ERC2: variants seen among roughly 807,000 people sequenced by gnomAD.
The protein encoded by ERC2 is ELKS/RAB6-interacting/CAST family member 2.
In ERC2, 42 loss-of-function variants were observed where a neutral mutation model predicts 114.8. The ratio of observed to expected loss-of-function variants is 0.37; its 90% CI spans 0.29 to 0.47. ERC2 has a LOEUF of 0.47. ERC2 is among the 20% of genes least tolerant of loss of function. ERC2 has a pLI of 0.99. For missense variants in ERC2, 939 were observed against 1,150.7 expected (o/e 0.82, Z 2.66); for synonymous variants, 454 against 425.5 (o/e 1.07, Z -0.82).
At chr3:56,170,501 T>C (rs1328346051) in intron 4 of ERC2, among the ~76,000 whole-genome samples, 1 of 152,118 alleles carries the variant, frequency 6.6e-6, no homozygotes. Context: ...CAATGGGGGT[T>C]GAAGCTCACC....
intron 2 of ERC2, among the ~76,000 whole-genome samples, chr3:56,319,471 G>C (rs541054365): frequency 1.3e-5 from 2 of 152,270 alleles, no homozygotes; most frequent in African/African-American, 4.8e-5. Flanking sequence ...CAAGGGCTAG[G>C]GGGAGGAGGC....
intron 17 of ERC2, among the ~76,000 whole-genome samples, chr3:55,562,674 C>T (rs1327454542): frequency 6.6e-6 from 1 of 152,132 alleles, no homozygotes; most frequent in East Asian, 1.9e-4. Flanking sequence ...TCAGCCAGCC[C>T]AATTGCCCTC....
chr3:56,162,350 G>A lies in ERC2; in HGVS notation c.1149+11096C>T, dbSNP rs1307970973. Among the ~76,000 whole-genome samples the A allele has an allele frequency of 2.0e-5, 3 of 152,018 alleles. 1 individual carries two copies. The highest frequency in any genetic ancestry group is 2.9e-5 in the Non-Finnish European group (2 of 67,964). On this transcript the variant is annotated intron_variant, in intron 4 of 17. Coordinates refer to ENST00000288221, the MANE Select transcript of ERC2 (RefSeq NM_015576.3). ...TACTGCCCTGTAGTTTTCTTTTCTT[G>A]TGTCTTTGCCAGGTTTTGGTATCAG...
intron 10 of ERC2, among the ~76,000 whole-genome samples, chr3:55,999,223 T>C (rs570556444): frequency 1.3e-5 from 2 of 152,182 alleles, no homozygotes; most frequent in South Asian, 2.1e-4. Context: ...AGTGTTATAA[T>C]AATAAGACAA....
intron 17 of ERC2, among the ~76,000 whole-genome samples, chr3:55,593,266 C>T (rs529244829): frequency 2.0e-5 from 3 of 152,266 alleles, no homozygotes; most frequent in Non-Finnish European, 4.4e-5. Context: ...TATGTGATAA[C>T]CATCTGAGAG....
At chr3:56,144,031 C>A (rs1361413841) in intron 5 of ERC2, among the ~76,000 whole-genome samples, 3 of 152,116 alleles carry the variant, frequency 2.0e-5, no homozygotes, top group Non-Finnish European at 4.4e-5. Flanking sequence ...ATCTTGCTAG[C>A]CAAATCTAAA....
chr3:56,380,607 A>G (rs1375454041), intron 2 of ERC2, among the ~76,000 whole-genome samples: 1 of 152,342 alleles, frequency 6.6e-6, no homozygotes, highest in East Asian at 1.9e-4. Flanking sequence ...GCCTGAATAC[A>G]TACTTATGGA....
At chr3:56,313,027 T>TATATATAC (rs2056678030) in intron 2 of ERC2, among the ~76,000 whole-genome samples, 1 of 132,030 alleles carries the variant, frequency 7.6e-6, no homozygotes, top group Non-Finnish European at 1.6e-5. Flanking sequence ...TATATATATA[T>TATATATAC]ATATATATAT....
At chr3:56,178,136 TGA>T (rs1489120748) in intron 3 of ERC2, among the ~76,000 whole-genome samples, 1 of 152,196 alleles carries the variant, frequency 6.6e-6, no homozygotes. Flanking sequence ...TTGGCGTTAA[TGA>T]GAGTCTAGAG....
intron 17 of ERC2, among the ~76,000 whole-genome samples, chr3:55,674,113 G>A (rs930033019): frequency 4.6e-5 from 7 of 152,198 alleles, no homozygotes; most frequent in South Asian, 2.1e-4. Flanking sequence ...CTGACCTCCC[G>A]ACTGCCCGAT....
At chr3:55,961,866 A>AAG (rs1553753515) in intron 12 of ERC2, among the ~76,000 whole-genome samples, 29 of 151,058 alleles carry the variant, frequency 1.9e-4, no homozygotes, top group African/African-American at 7.1e-4. Flanking sequence ...AAAAAAAAAA[A>AAG]AAGCCACAAA....
At chr3:55,960,632 G>A (rs575853056) in intron 12 of ERC2, among the ~76,000 whole-genome samples, 1 of 152,112 alleles carries the variant, frequency 6.6e-6, no homozygotes, top group Non-Finnish European at 1.5e-5. Context: ...ACAAGCAGGA[G>A]TCCATCCCCA....
At chr3:55,833,407 T>G (rs531787460) in intron 14 of ERC2, among the ~76,000 whole-genome samples, 14 of 151,878 alleles carry the variant, frequency 9.2e-5, no homozygotes, top group African/African-American at 2.7e-4. Flanking sequence ...TAACAGCGGA[T>G]CTCTCGGCAG....
chr3:55,780,477 A>G (rs528764494), intron 14 of ERC2, among the ~76,000 whole-genome samples: 2 of 152,350 alleles, frequency 1.3e-5, no homozygotes, highest in Non-Finnish European at 2.9e-5. Flanking sequence ...ACCCACAATA[A>G]ATAGACATAA....
chr3:55,841,605 G>A (rs760604599), intron 14 of ERC2, among the ~76,000 whole-genome samples: 6 of 151,760 alleles, frequency 4.0e-5, no homozygotes, highest in Non-Finnish European at 8.8e-5. Context: ...TGTTCTAGGT[G>A]CCATACTAAA....
intron 13 of ERC2, among the ~76,000 whole-genome samples, chr3:55,889,494 C>T (rs2063508198): frequency 6.6e-6 from 1 of 152,164 alleles, no homozygotes; most frequent in Admixed American, 6.5e-5. Flanking sequence ...GGTTTTCAGC[C>T]AGGTCCCAAA....
At chr3:55,660,474 C>T (rs1244685014) in intron 17 of ERC2, among the ~76,000 whole-genome samples, 2 of 150,202 alleles carry the variant, frequency 1.3e-5, no homozygotes, top group Non-Finnish European at 1.5e-5. Flanking sequence ...GGGGGTGGGG[C>T]GGGGGTGGCG....
At chr3:55,902,119 G>C (rs1173865194) in intron 13 of ERC2, among the ~76,000 whole-genome samples, 1 of 152,084 alleles carries the variant, frequency 6.6e-6, no homozygotes, top group Non-Finnish European at 1.5e-5. Context: ...TATAATTCAG[G>C]TAAGTAAAAA....
intron 2 of ERC2, among the ~76,000 whole-genome samples, chr3:56,363,236 T>C (rs2059025707): frequency 6.6e-6 from 1 of 152,178 alleles, no homozygotes; most frequent in Non-Finnish European, 1.5e-5. Flanking sequence ...ATGACCATAA[T>C]TTAAAAACAA....
Sources: gnomAD v4.1 joint callset for allele counts (sites outside exome capture counted in the v4.1 genomes callset) on GRCh38, gnomAD v4.1.1 for gene constraint, MANE v1.5 for transcripts, NCBI Gene and HGNC (gene_info 2026-07-23, HGNC 2026-07-21) for gene names.